NTRK3: variants seen among roughly 807,000 people sequenced by gnomAD.
The protein encoded by NTRK3 is neurotrophic receptor tyrosine kinase 3, also known as NT-3 growth factor receptor.
Under a neutral mutation model 91.7 loss-of-function variants are expected in NTRK3, and 24 were observed. The observed-to-expected ratio is 0.26, with a 90% CI of 0.19 to 0.37. The LOEUF is 0.37. Among genes scored for constraint, NTRK3 ranks in the 10% least tolerant of loss-of-function variants. The pLI is 1.00. For synonymous variants in NTRK3, 483 were observed against 404.0 expected, an observed-to-expected ratio of 1.20 and a Z score of -2.34; for missense variants, 880 against 1,068.9, an observed-to-expected ratio of 0.82 and a Z score of 2.46.
chr15:88,053,690 C>A (rs1009251953), intron 13 of NTRK3, among the ~76,000 whole-genome samples: 7 of 152,134 alleles, frequency 4.6e-5, no homozygotes, highest in African/African-American at 1.7e-4. Context: ...GACAAAGATT[C>A]TAAGGTTGTT....
At chr15:87,872,783 T>A (rs1444177473) in exon 19 of NTRK3, 2 of 232,932 alleles carry the variant, frequency 8.6e-6, no homozygotes, top group African/African-American at 4.4e-5. Flanking sequence ...TCCTTCCTTA[T>A]CTTTCACTTC....
At chr15:88,132,992 C>A (rs1186500494) in intron 10 of NTRK3, among the ~76,000 whole-genome samples, 1 of 152,082 alleles carries the variant, frequency 6.6e-6, no homozygotes, top group Non-Finnish European at 1.5e-5. Context: ...TAGTAGATTG[C>A]AAAGGAGGGA....
At chr15:88,221,031 A>G (rs1029762987) in intron 3 of NTRK3, among the ~76,000 whole-genome samples, 1 of 152,244 alleles carries the variant, frequency 6.6e-6, no homozygotes, top group African/African-American at 2.4e-5. Flanking sequence ...GGATTCTGAA[A>G]CACAGCCAGG....
At chr15:88,167,324 C>G (rs1027603302) in intron 5 of NTRK3, among the ~76,000 whole-genome samples, 1 of 152,130 alleles carries the variant, frequency 6.6e-6, no homozygotes, top group African/African-American at 2.4e-5. Context: ...AGCAGCATCA[C>G]GACTCTGAGG....
At chr15:88,090,942 G>A (rs2048959789) in intron 13 of NTRK3, among the ~76,000 whole-genome samples, 1 of 152,174 alleles carries the variant, frequency 6.6e-6, no homozygotes, top group African/African-American at 2.4e-5. Flanking sequence ...GCGTGCTCAA[G>A]CCATCTGACC....
chr15:88,082,630 T>C (rs2048156197), intron 13 of NTRK3, among the ~76,000 whole-genome samples: 1 of 152,248 alleles, frequency 6.6e-6, no homozygotes, highest in South Asian at 2.1e-4. Flanking sequence ...TATGTCTGGC[T>C]TCTTTCACTC....
At chr15:87,860,332 A>T (rs985026633) in exon 19 of NTRK3, 3 of 215,914 alleles carry the variant, frequency 1.4e-5, no homozygotes, top group African/African-American at 6.8e-5. Context: ...ACAATTTAAA[A>T]AAATAATTTT....
intron 13 of NTRK3, among the ~76,000 whole-genome samples, chr15:88,106,571 G>GA (rs931526060): frequency 4.6e-5 from 7 of 152,090 alleles, no homozygotes; most frequent in Admixed American, 3.3e-4. Flanking sequence ...AGTGTTGTGT[G>GA]AAAAAAATAG....
rs189030017 is a variant in NTRK3, at chr15:88,122,818, T to C, written c.1396+3453A>G. 3.5e-3 allele frequency among the ~76,000 whole-genome samples: 539 copies of C among 152,306 alleles called. 3 individuals carry two copies. The highest frequency in any genetic ancestry group is 7.5e-3 in the South Asian group (36 of 4,824). On this transcript the variant is annotated intron_variant, in intron 13 of 18. Transcript: ENST00000394480. The stretch of plus-strand genomic sequence containing the variant: ...CTCCCAATTAACTCTAACTAGCCCA[T>C]TGTTAATTTATAAGCTGTACTTTTT...
In NTRK3 at chr15:87,911,511, G is replaced by A. The variant is rs78930077; in HGVS notation, c.2133+17680C>T. Reference sequence around the variant, plus strand: ...AACCCACTATCTTGTAGGACGGTCTGTTCCATTTTCACACAATAAGGGTAA... The same window carrying A: ...AACCCACTATCTTGTAGGACGGTCTATTCCATTTTCACACAATAAGGGTAA... On this transcript the variant is annotated intron_variant, in intron 17 of 18. Coordinates refer to ENST00000394480, the Ensembl canonical transcript of NTRK3. Among the ~76,000 whole-genome samples, 403 of 152,318 alleles carry A rather than the reference G, an allele frequency of 2.6e-3. 3 individuals are homozygous for A. Among genetic ancestry groups the A allele is most frequent in the African/African-American group, 9.1e-3 (377 of 41,572 alleles).
intron 13 of NTRK3, among the ~76,000 whole-genome samples, chr15:88,108,907 C>T (rs1338542138): frequency 6.6e-6 from 1 of 152,192 alleles, no homozygotes; most frequent in African/African-American, 2.4e-5. Context: ...CCATAAAGTT[C>T]GAGGAGCTAT....
rs983880737 is a variant in NTRK3 at position 88,230,795 on chromosome 15, C to T, written c.248+25111G>A. ...GTCTTTTAAGCCAATATTAACAAAG[C>T]TCAGACAAAACCACCCTGTAAATAA... On this transcript the variant is annotated intron_variant, in intron 3 of 18. Transcript: ENST00000394480. Among the ~76,000 whole-genome samples, 12 of 151,422 alleles carry T rather than the reference C, an allele frequency of 7.9e-5. No individual in the cohort carries two copies. In the South Asian group the frequency reaches 2.5e-3, roughly 32 times the overall value.
At chr15:88,164,797 T>C (rs944996459) in intron 5 of NTRK3, among the ~76,000 whole-genome samples, 4 of 152,228 alleles carry the variant, frequency 2.6e-5, no homozygotes, top group African/African-American at 9.6e-5. Context: ...GGCTTTAATT[T>C]ATTCACCAAC....
chr15:88,067,976 A>C (rs1207254073), intron 13 of NTRK3, among the ~76,000 whole-genome samples: 1 of 152,190 alleles, frequency 6.6e-6, no homozygotes, highest in East Asian at 1.9e-4. Flanking sequence ...CAGGATCCAC[A>C]TCTTACGGGC....
intron 14 of NTRK3, among the ~76,000 whole-genome samples, chr15:87,991,774 T>G (rs1469583103): frequency 6.6e-6 from 1 of 152,172 alleles, no homozygotes; most frequent in Non-Finnish European, 1.5e-5. Context: ...ACACATTCTT[T>G]AATTTAGATC....
Position 88,250,690 on chromosome 15 carries a change from C to T in NTRK3, c.248+5216G>A, listed in dbSNP as rs2053257334. Among the ~76,000 whole-genome samples the T allele has an allele frequency of 4.6e-5, 7 of 152,312 alleles. 1 individual carries two copies. In the South Asian group the frequency reaches 1.2e-3, roughly 27 times the overall value. On this transcript the variant is annotated intron_variant, in intron 3 of 18. Coordinates refer to ENST00000394480, the Ensembl canonical transcript of NTRK3. ...CAAGAGAGAGCCAGGGGCTTCAGGACCACCTCTTCTGTCACCACCCTGTCT... is the reference window on the plus strand; with the variant it reads ...CAAGAGAGAGCCAGGGGCTTCAGGATCACCTCTTCTGTCACCACCCTGTCT...
chr15:87,989,787 A>C (rs2075144572), intron 14 of NTRK3, among the ~76,000 whole-genome samples: 1 of 151,430 alleles, frequency 6.6e-6, no homozygotes, highest in Admixed American at 6.6e-5. Flanking sequence ...TTGTATTTTT[A>C]GTAGAGATGT....
At chr15:88,170,494 T>C (rs1180817677) in intron 5 of NTRK3, among the ~76,000 whole-genome samples, 5 of 152,248 alleles carry the variant, frequency 3.3e-5, no homozygotes, top group African/African-American at 4.8e-5. Context: ...AAGTCCTTTC[T>C]CAACATTGTT....
At chr15:88,151,760 G>A (rs1054487268) in intron 5 of NTRK3, among the ~76,000 whole-genome samples, 4 of 152,170 alleles carry the variant, frequency 2.6e-5, no homozygotes, top group African/African-American at 9.7e-5. Flanking sequence ...GCTGACATTT[G>A]GAAGCACCTC....
Sources: gnomAD v4.1 joint callset for allele counts (sites outside exome capture counted in the v4.1 genomes callset) on GRCh38, gnomAD v4.1.1 for gene constraint, MANE v1.5 for transcripts, NCBI Gene and HGNC (gene_info 2026-07-23, HGNC 2026-07-21) for gene names.